Variants in COL14A1 observed in about 807,000 individuals in gnomAD.
COL14A1 encodes the protein collagen alpha-1(XIV) chain.
In COL14A1, 136 loss-of-function variants were observed where a neutral mutation model predicts 230.3. The ratio of observed to expected loss-of-function variants is 0.59; its 90% CI spans 0.51 to 0.68. The LOEUF (loss-of-function observed/expected upper bound fraction) is 0.68, where lower values mean the gene tolerates loss of function less well. COL14A1 is among the 30% of genes least tolerant of loss of function. The pLI is 0.00. For missense variants in COL14A1, 1,976 were observed against 2,215.8 expected (o/e 0.89, Z 2.17); for synonymous variants, 792 against 784.1 (o/e 1.01, Z -0.17).
At chr8:120,357,082 C>G (rs909362718) in intron 45 of COL14A1, among the ~76,000 whole-genome samples, 1 of 152,270 alleles carries the variant, frequency 6.6e-6, no homozygotes, top group Non-Finnish European at 1.5e-5. Context: ...TGCTGTGTAA[C>G]AAATTACTTT....
intron 5 of COL14A1, among the ~76,000 whole-genome samples, chr8:120,185,188 A>C (rs1816611793): frequency 6.6e-6 from 1 of 152,158 alleles, no homozygotes; most frequent in Admixed American, 6.5e-5. Flanking sequence ...ATTAATGTAA[A>C]TTCCAGACAC....
At chr8:120,196,767 GC>G (rs1563665578) in intron 5 of COL14A1, 23 bp from the exon 6 acceptor site, 1 of 1,609,216 alleles carries the variant, frequency 6.2e-7, no homozygotes, top group South Asian at 1.1e-5. Context: ...TAACACATGC[GC>G]TTTTCTGGTT....
At chr8:120,185,230 T>C (rs1198722825) in intron 5 of COL14A1, among the ~76,000 whole-genome samples, 1 of 152,238 alleles carries the variant, frequency 6.6e-6, no homozygotes, top group African/African-American at 2.4e-5. Flanking sequence ...GCACATCCCC[T>C]ACATGGATGG....
At chr8:120,234,819 T>C (rs1818387170) in intron 19 of COL14A1, among the ~76,000 whole-genome samples, 1 of 152,228 alleles carries the variant, frequency 6.6e-6, no homozygotes, top group Non-Finnish European at 1.5e-5. Flanking sequence ...AGCATGATGC[T>C]GACCTAATAA....
chr8:120,203,626 A>C, intron 8 of COL14A1, 83 bp from the exon 9 acceptor site: 2 of 1,301,206 alleles, frequency 1.5e-6, no homozygotes, highest in East Asian at 2.3e-5. Context: ...AGATTGACTG[A>C]CTGGGTCAGA....
At chr8:120,282,477 G>A (rs1227542438) in intron 31 of COL14A1, among the ~76,000 whole-genome samples, 1 of 152,164 alleles carries the variant, frequency 6.6e-6, no homozygotes, top group African/African-American at 2.4e-5. Context: ...ATTTGCTGAT[G>A]TATCTTAAAT....
chr8:120,251,690 C>T (rs866150523), intron 22 of COL14A1, among the ~76,000 whole-genome samples: 3 of 152,056 alleles, frequency 2.0e-5, no homozygotes, highest in African/African-American at 7.2e-5. Context: ...TTTTCAAAAT[C>T]CATGTAGTTA....
chr8:120,358,147 T>A (rs1405051415), intron 45 of COL14A1, among the ~76,000 whole-genome samples: 1 of 152,190 alleles, frequency 6.6e-6, no homozygotes, highest in East Asian at 1.9e-4. Flanking sequence ...GATAAAAAAA[T>A]TTTAAAACCT....
At chr8:120,153,230 T>A (rs1791257040) in intron 2 of COL14A1, among the ~76,000 whole-genome samples, 1 of 152,240 alleles carries the variant, frequency 6.6e-6, no homozygotes, top group South Asian at 2.1e-4. Flanking sequence ...TCTTGCTATG[T>A]CGCCCAGGCT....
chr8:120,273,014 A>G (rs1819720681), intron 26 of COL14A1, among the ~76,000 whole-genome samples: 1 of 151,814 alleles, frequency 6.6e-6, no homozygotes, highest in Non-Finnish European at 1.5e-5. Flanking sequence ...AGCATATGGA[A>G]CATTTTCCAA....
intron 45 of COL14A1, among the ~76,000 whole-genome samples, chr8:120,348,201 A>G (rs1030697611): frequency 6.7e-6 from 1 of 148,442 alleles, no homozygotes; most frequent in Non-Finnish European, 1.5e-5. Flanking sequence ...TATAAAGCAT[A>G]TATATATGTA....
rs536133673 is a variant in COL14A1, at chr8:120,240,560, T to C, written c.2350-3319T>C. The stretch of plus-strand genomic sequence containing the variant: ...AAAGACAGATGGCTAAGACATACTA[T>C]GAAAGCAAGAAAGGAAATGTGTCAA... On this transcript the variant is annotated intron_variant, in intron 19 of 47. Coordinates refer to ENST00000297848, the MANE Select transcript of COL14A1 (RefSeq NM_021110.4). Among the ~76,000 whole-genome samples the C allele has an allele frequency of 5.8e-4, 88 of 152,296 alleles. 1 individual carries two copies. The South Asian group carries it at 0.018, about 31-fold the overall frequency.
intron 40 of COL14A1, among the ~76,000 whole-genome samples, chr8:120,328,964 G>T (rs1176341067): frequency 6.6e-6 from 1 of 152,126 alleles, no homozygotes; most frequent in South Asian, 2.1e-4. Flanking sequence ...CGGGTCCTCT[G>T]TGGGCTCACG....
intron 18 of COL14A1, 110 bp from the exon 19 acceptor site, chr8:120,231,357 A>G: frequency 1.7e-6 from 2 of 1,160,142 alleles, no homozygotes; most frequent in African/African-American, 1.5e-5. Flanking sequence ...CAACTATATT[A>G]CAGGGATACA....
chr8:120,289,708 G>C lies in COL14A1; in HGVS notation c.4178G>C (p.Gly1393Ala). ...GCATCAGCTAATATCACGTCAGATG[G>C]TGTAGAAGTGCTAGGGAAAATGGTT... is the stretch of plus-strand genomic sequence containing the variant. Reference protein sequence around the residue: ...MNASANITSDGVEVLGKMVRS... With the variant: ...MNASANITSDAVEVLGKMVRS... The change falls in exon 34 of 48, where the codon GGT becomes GCT. Residue 1393 changes from glycine (G) to alanine (A), a missense_variant. Gly to Ala is a moderately conservative substitution (Grantham distance 60). Coordinates refer to ENST00000297848, the MANE Select transcript of COL14A1 (RefSeq NM_021110.4). 1.2e-6 allele frequency: 2 copies of C among 1,614,092 alleles called. No homozygotes were observed. The highest frequency in any genetic ancestry group is 1.6e-4 in the Middle Eastern group (1 of 6,062).
rs747148852 is a variant in COL14A1 at position 120,231,595 on chromosome 8, C to T, written c.2326C>T (p.Pro776Ser). Residue 776 changes from proline (P) to serine (S), a missense_variant, in exon 19 of 48, where the codon CCT becomes TCT. By Grantham distance (74) the Pro-to-Ser change is moderately conservative. This residue lies in a region of COL14A1 where 1,791 missense variants were observed against 2,019.5 expected (regional missense o/e 0.89). Transcript: ENST00000297848. ...GACCTACATGACAGCTCAAGGGGACCCTGAGGAAGAAGTCATAGGAACGGT... is the reference window on the plus strand; with the variant it reads ...GACCTACATGACAGCTCAAGGGGACTCTGAGGAAGAAGTCATAGGAACGGT... Reference protein sequence around the residue: ...RVTYMTAQGDPEEEVIGTVMV... With the variant: ...RVTYMTAQGDSEEEVIGTVMV... 6.8e-6 allele frequency: 11 copies of T among 1,613,630 alleles called. No individual in the cohort carries two copies. The highest frequency in any genetic ancestry group is 9.3e-6 in the Non-Finnish European group (11 of 1,179,862).
intron 47 of COL14A1, 140 bp downstream of exon 47, chr8:120,369,625 A>G: frequency 1.2e-6 from 1 of 815,770 alleles, no homozygotes; most frequent in South Asian, 3.0e-5. Context: ...CACTTCCTTA[A>G]ATTATCCCGA....
intron 42 of COL14A1, 93 bp downstream of exon 42, chr8:120,332,828 T>C: frequency 9.9e-7 from 1 of 1,009,004 alleles, no homozygotes; most frequent in South Asian, 1.5e-5. Context: ...TAGTCAGAAA[T>C]GTTTATTCAG....
chr8:120,236,988 C>T (rs2130833292), intron 19 of COL14A1, among the ~76,000 whole-genome samples: 1 of 152,332 alleles, frequency 6.6e-6, no homozygotes, highest in South Asian at 2.1e-4. Flanking sequence ...GAGAGATCCG[C>T]TGTTAGACCG....
Sources: allele counts gnomAD v4.1 joint callset (sites outside exome capture counted in the v4.1 genomes callset), GRCh38; gene constraint gnomAD v4.1.1; regional missense constraint gnomAD v4.1.1; transcripts MANE v1.5; gene names NCBI Gene and HGNC (gene_info 2026-07-23, HGNC 2026-07-21).